The following MOV10 variants were observed in gnomAD, a reference collection of about 807,000 sequenced individuals.
MOV10 encodes RNA helicase MOV-10.
Under a neutral mutation model 108.4 loss-of-function variants are expected in MOV10, and 39 were observed. The observed-to-expected ratio is 0.36, with a 90% confidence interval of 0.28 to 0.47. MOV10 has a LOEUF of 0.47. Ranked by LOEUF, MOV10 falls within the 20% of genes least tolerant of loss-of-function variation. The pLI is 1.00. For synonymous variants in MOV10, 490 were observed against 523.1 expected (o/e 0.94, Z 0.86); for missense variants, 952 against 1,297.6 (o/e 0.73, Z 4.09).
Position 112,694,301 on chromosome 1 carries a change from C to T in MOV10, c.1295+129C>T, listed in dbSNP as rs1462273203. 1.3e-5 allele frequency: 19 copies of T among 1,421,308 alleles called. No homozygotes were observed. Among genetic ancestry groups the T allele is most frequent in the Non-Finnish European group, 1.9e-5 (19 of 1,024,470 alleles). 88.0% of individuals were successfully genotyped at this position (1,421,308 alleles called of 1,614,324 possible). ...GCAGGAGACTTTTCCTCAGGGGTACCCTGAGATGCTACGGCAGCTTCCTCT... is the reference window on the plus strand; with the variant it reads ...GCAGGAGACTTTTCCTCAGGGGTACTCTGAGATGCTACGGCAGCTTCCTCT... On this transcript the variant is annotated intron_variant, in intron 8 of 20. Coordinates refer to ENST00000369645, the MANE Select transcript of MOV10 (RefSeq NM_001321324.2). This position sits in a 1 kb window ranked among gnomAD's most constrained non-coding sequence, Gnocchi z 4.1.
Position 112,675,967 on chromosome 1 carries a change from C to T in MOV10, c.137+918C>T, listed in dbSNP as rs1461492713. 6.6e-6 allele frequency among the ~76,000 whole-genome samples: 1 copy of T among 152,176 alleles called. No individual in the cohort carries two copies. Among genetic ancestry groups the T allele is most frequent in the Non-Finnish European group, 1.5e-5 (1 of 68,046 alleles). ...GAGGGCCAGTATGGGTGAGATATGGCTGCTAAAACAGCTGAAGTCTAAGAT... is the reference window on the plus strand; with the variant it reads ...GAGGGCCAGTATGGGTGAGATATGGTTGCTAAAACAGCTGAAGTCTAAGAT... On this transcript the variant is annotated intron_variant, in intron 2 of 20. Coordinates refer to ENST00000369645, the MANE Select transcript of MOV10 (RefSeq NM_001321324.2). The surrounding 1 kb of genome is among the most constrained non-coding windows in gnomAD (Gnocchi z 4.7).
At position 112,689,512 on chromosome 1, in the gene MOV10, C is replaced by T. The variant is rs149029432; in HGVS notation, c.439C>T (p.Arg147Cys). Reference protein sequence around the residue: ...GQLLIRLDLNRKEVLTLRLRN... With the variant: ...GQLLIRLDLNCKEVLTLRLRN... ...GCTCCTTATCCGCCTGGATTTGAAC[C>T]GCAAAGAGGTGCTGACCCTGAGGCT... Residue 147 changes from arginine to cysteine, a missense_variant, in exon 4 of 21, where the codon CGC becomes TGC. By Grantham distance (180) the Arg-to-Cys change is radical (BLOSUM62 -3). Around this residue, in one of 5 missense-constraint regions of MOV10, gnomAD observed 374 missense variants for 468.6 expected, o/e 0.80. Coordinates refer to ENST00000369645, the MANE Select transcript of MOV10 (RefSeq NM_001321324.2). 9.3e-6 allele frequency: 15 copies of T among 1,614,004 alleles called. No individual in the cohort carries two copies. The highest frequency in any genetic ancestry group is 2.7e-5 in the African/African-American group (2 of 74,888).
chr1:112,696,122 T>A (rs1483331701), intron 11 of MOV10, 26 bp from the exon 12 acceptor site: 1 of 1,518,572 alleles, frequency 6.6e-7, no homozygotes, highest in South Asian at 1.1e-5. Flanking sequence ...CCAAGCTGAT[T>A]CCTCTGGTCC....
In MOV10 at chr1:112,691,665, C is replaced by T. The variant is rs959873505; in HGVS notation, c.837C>T (p.Arg279=). Residue 279 remains arginine (R), a splice_region_variant and synonymous_variant, in exon 6 of 21, where the codon CGC becomes CGT. Transcript: ENST00000369645. ...GTGTTTTCTTCCCTCGATTCTGCAG[C>T]GCTAAGGGCTATGACCTGGAGTTAA... ...NRIEEGERPD[R]AKGYDLELSM... is the part of the protein sequence containing the mutation. 15 of 1,613,738 alleles carry T rather than the reference C, an allele frequency of 9.3e-6. No individual in the cohort carries two copies. Among genetic ancestry groups the T allele is most frequent in the Middle Eastern group, 1.7e-4 (1 of 6,036 alleles).
chr1:112,674,949 G>A lies in MOV10; in HGVS notation c.37G>A (p.Ala13Thr). The A allele has an allele frequency of 6.3e-7, 1 of 1,583,352 alleles. No individual in the cohort carries two copies. Among genetic ancestry groups the A allele is most frequent in the Admixed American group, 1.8e-5 (1 of 56,188 alleles). Residue 13 changes from alanine to threonine, a missense_variant, in exon 2 of 21, where the codon GCG becomes ACG. Coordinates refer to ENST00000369645, the MANE Select transcript of MOV10 (RefSeq NM_001321324.2). ...SKFSCRQLRE[A>T]GQCFESFLVV... The stretch of plus-strand genomic sequence containing the variant: ...GTTCAGCTGCCGGCAGCTCCGGGAG[G>A]CGGGCCAGTGTTTCGAGAGTTTCCT...
At chr1:112,697,245 C>T (rs970270744) in intron 14 of MOV10, among the ~76,000 whole-genome samples, 6 of 152,036 alleles carry the variant, frequency 3.9e-5, no homozygotes, top group Non-Finnish European at 5.9e-5. Flanking sequence ...CTCCCACCCC[C>T]GATCACTTGA....
At chr1:112,688,496 G>A (rs1673272078) in intron 2 of MOV10, 4 of 1,071,494 alleles carry the variant, frequency 3.7e-6, no homozygotes, top group South Asian at 3.0e-5. Context: ...CCAACAGGCT[G>A]GACCCCACAT....
rs757134356 is a variant in MOV10, at chr1:112,694,426, A to G, written c.1296-27A>G. ...TTGCCCACCTCCCCTGCCCCAACAAACTCTTACCACCTCTCTCTGCCCAAA... is the reference window on the plus strand; with the variant it reads ...TTGCCCACCTCCCCTGCCCCAACAAGCTCTTACCACCTCTCTCTGCCCAAA... On this transcript the variant is annotated intron_variant, in intron 8 of 20. Coordinates refer to ENST00000369645, the MANE Select transcript of MOV10 (RefSeq NM_001321324.2). The surrounding 1 kb of genome is among the most constrained non-coding windows in gnomAD (Gnocchi z 4.1). 1.9e-6 allele frequency: 3 copies of G among 1,613,318 alleles called. No individual in the cohort carries two copies. The Admixed American group carries it at 5.0e-5, about 27-fold the overall frequency.
At chr1:112,682,554 A>G (rs567890218) in intron 2 of MOV10, among the ~76,000 whole-genome samples, 70 of 152,330 alleles carry the variant, frequency 4.6e-4, no homozygotes, top group Non-Finnish European at 8.4e-4. Flanking sequence ...TAACAAATGC[A>G]TATATCTGTG....
At position 112,689,650 on chromosome 1, in the gene MOV10, G is replaced by A. The variant is rs757536290; in HGVS notation, c.577G>A (p.Gly193Ser). 1.1e-4 allele frequency: 175 copies of A among 1,613,358 alleles called. No individual in the cohort carries two copies. The highest frequency in any genetic ancestry group is 2.7e-4 in the South Asian group (25 of 91,062). The change falls in exon 4 of 21, where the codon GGT (glycine) becomes AGT (serine). Residue 193 changes from glycine (G) to serine (S), a missense_variant and splice_region_variant. Around this residue, in one of 5 missense-constraint regions of MOV10, gnomAD observed 374 missense variants for 468.6 expected, o/e 0.80. Coordinates refer to ENST00000369645, the MANE Select transcript of MOV10 (RefSeq NM_001321324.2). ...GGAGTTGCCCTGTCCACTGGGCCCC[G>A]GTGAGTGAGTTTCCAAAGGAAAGAG... Reference protein sequence around the residue: ...DQELPCPLGPGECYELHVHCK... With the variant: ...DQELPCPLGPSECYELHVHCK...
In MOV10 at chr1:112,700,356, G is replaced by T. The variant is rs72701120; in HGVS notation, c.2920+16G>T. The T allele has an allele frequency of 4.4e-4, 714 of 1,614,226 alleles. 1 individual carries two copies. The highest frequency in any genetic ancestry group is 5.7e-4 in the Non-Finnish European group (671 of 1,180,028). ...TCTACCTCAGGTATGGCTGGGCCAG[G>T]GTGGGGACAGTGCCAGAGGAGGTGG... On this transcript the variant is annotated intron_variant, in intron 20 of 20. Coordinates refer to ENST00000369645, the MANE Select transcript of MOV10 (RefSeq NM_001321324.2).
At chr1:112,692,729 C>G in intron 6 of MOV10, 32 bp from the exon 7 acceptor site, 1 of 1,611,280 alleles carries the variant, frequency 6.2e-7, no homozygotes, top group African/African-American at 1.3e-5. Context: ...CTGTTCCTGC[C>G]CCCACTCACC....
In MOV10 at chr1:112,696,659, C is replaced by G; in HGVS notation, c.2011C>G (p.Pro671Ala). The G allele has an allele frequency of 6.2e-7, 1 of 1,611,550 alleles. No individual in the cohort carries two copies. Among genetic ancestry groups the G allele is most frequent in the Non-Finnish European group, 8.5e-7 (1 of 1,178,856 alleles). Reference protein sequence around the residue: ...GLMEVKETGDPGGQLVLAGDP... With the variant: ...GLMEVKETGDAGGQLVLAGDP... ...GATGGAAGTAAAGGAAACAGGTGAT[C>G]CAGGAGGGCAGCTGGTGCTGGCAGG... Residue 671 changes from proline (P) to alanine (A), a missense_variant, in exon 14 of 21, where the codon CCA becomes GCA. Physicochemically the swap from Pro to Ala is conservative, Grantham distance 27. Around this residue, in one of 5 missense-constraint regions of MOV10, gnomAD observed 453 missense variants for 611.5 expected, o/e 0.74. Transcript: ENST00000369645.
intron 2 of MOV10, among the ~76,000 whole-genome samples, chr1:112,680,707 CTTTT>C: frequency 9.3e-6 from 1 of 107,140 alleles, no homozygotes; most frequent in Middle Eastern, 5.6e-3. Flanking sequence ...TCATTTATCT[CTTTT>C]TTTTTTTTTT....
Position 112,696,485 on chromosome 1 carries a change from C to G in MOV10, c.1932C>G (p.Ile644Met), listed in dbSNP as rs770544212. ...FPIDHFTHIFIDEAGHCMEPE... is the reference protein window; with the variant it reads ...FPIDHFTHIFMDEAGHCMEPE... ...TTGATCACTTCACACACATCTTCATCGATGAGGCTGGCCACTGCATGGAGC... is the reference window on the plus strand; with the variant it reads ...TTGATCACTTCACACACATCTTCATGGATGAGGCTGGCCACTGCATGGAGC... Residue 644 changes from isoleucine (I) to methionine (M), a missense_variant, in exon 13 of 21, where the codon ATC (isoleucine) becomes ATG (methionine). By Grantham distance (10) the Ile-to-Met change is conservative. Around this residue, in one of 5 missense-constraint regions of MOV10, gnomAD observed 453 missense variants for 611.5 expected, o/e 0.74. Transcript: ENST00000369645. 6.2e-7 allele frequency: 1 copy of G among 1,614,104 alleles called. No individual in the cohort carries two copies. Among genetic ancestry groups the G allele is most frequent in the African/African-American group, 1.3e-5 (1 of 75,014 alleles).
Position 112,698,284 on chromosome 1 carries a change from C to T in MOV10, c.2317-3C>T, listed in dbSNP as rs761371025. 1.2e-6 allele frequency: 2 copies of T among 1,612,376 alleles called. No homozygotes were observed. Among genetic ancestry groups the T allele is most frequent in the Non-Finnish European group, 1.7e-6 (2 of 1,178,902 alleles). On this transcript the variant is annotated splice_polypyrimidine_tract_variant and splice_region_variant and intron_variant, in intron 15 of 20. Transcript: ENST00000369645. ...TGACGGTTTCCCCCGACCCCATGTC[C>T]AGGGCTTTCCCATCATCTTTCACGG...
At chr1:112,678,031 G>T (rs1672331833) in intron 2 of MOV10, among the ~76,000 whole-genome samples, 1 of 152,070 alleles carries the variant, frequency 6.6e-6, no homozygotes, top group Non-Finnish European at 1.5e-5. Flanking sequence ...ATGCAATACA[G>T]TAGTATAGGT....
At chr1:112,698,154 C>T (rs762332638) in intron 15 of MOV10, 43 bp downstream of exon 15, 5 of 1,599,454 alleles carry the variant, frequency 3.1e-6, no homozygotes, top group Non-Finnish European at 4.3e-6. Context: ...ACCCTGACTT[C>T]CCTCCCACTG....
chr1:112,687,199 G>A (rs921034942), intron 2 of MOV10: 1 of 331,604 alleles, frequency 3.0e-6, no homozygotes, highest in Admixed American at 4.3e-5. Context: ...CATTTACTGA[G>A]CATTTTCTAT....
Sources: allele counts gnomAD v4.1 joint callset (sites outside exome capture counted in the v4.1 genomes callset), GRCh38; gene constraint gnomAD v4.1.1; regional missense constraint gnomAD v4.1.1; non-coding constraint Gnocchi (gnomAD v3.1); transcripts MANE v1.5; gene names NCBI Gene and HGNC (gene_info 2026-07-23, HGNC 2026-07-21).